Variants in PTPRG observed in about 807,000 individuals in gnomAD.
The protein encoded by PTPRG is receptor-type tyrosine-protein phosphatase gamma.
A neutral mutation model predicts 165.3 loss-of-function variants in PTPRG; 102 were observed. The observed-to-expected ratio is 0.62, with a 90% CI of 0.53 to 0.73. The LOEUF is 0.73. Ranked by LOEUF, PTPRG falls within the 30% of genes least tolerant of loss-of-function variation. PTPRG has a pLI of 0.00. For synonymous variants in PTPRG, 675 were observed against 669.5 expected (o/e 1.01, Z -0.13); for missense variants, 1,866 against 1,861.4 (o/e 1.00, Z -0.05).
chr3:61,723,082 C>A (rs969314770), intron 1 of PTPRG, among the ~76,000 whole-genome samples: 2 of 152,048 alleles, frequency 1.3e-5, no homozygotes, highest in Non-Finnish European at 2.9e-5. Context: ...TAGGACTATT[C>A]TGATTTCCTG....
In PTPRG at chr3:62,217,246, G is replaced by A. The variant is rs1700534750; in HGVS notation, c.2156-1605G>A. Reference sequence around the variant, plus strand: ...TTTATAAATGGCAAAGTGCTCTGTGGAGGTTTTTAATCAGAGTGTGCTGCA... The same window carrying A: ...TTTATAAATGGCAAAGTGCTCTGTGAAGGTTTTTAATCAGAGTGTGCTGCA... On this transcript the variant is annotated intron_variant, in intron 12 of 29. Transcript: ENST00000474889. The surrounding 1 kb of genome is among the most constrained non-coding windows in gnomAD (Gnocchi z 4.3). Among the ~76,000 whole-genome samples, 1 of 152,200 alleles carries A rather than the reference G, an allele frequency of 6.6e-6. No individual in the cohort carries two copies. Among genetic ancestry groups the A allele is most frequent in the Non-Finnish European group, 1.5e-5 (1 of 68,044 alleles).
intron 2 of PTPRG, 121 bp downstream of exon 2, chr3:61,749,103 T>C: frequency 1.2e-6 from 1 of 844,464 alleles, no homozygotes; most frequent in Non-Finnish European, 2.0e-6. Context: ...CTTTCGTAGT[T>C]CACTAAAAGT....
chr3:61,733,501 A>T (rs1456695169), intron 1 of PTPRG, among the ~76,000 whole-genome samples: 3 of 152,194 alleles, frequency 2.0e-5, no homozygotes, highest in Non-Finnish European at 2.9e-5. Context: ...AACATGAGAT[A>T]TTTCAGTTGA....
At chr3:62,264,921 G>C (rs910330080) in intron 17 of PTPRG, among the ~76,000 whole-genome samples, 2 of 150,624 alleles carry the variant, frequency 1.3e-5, no homozygotes, top group African/African-American at 2.4e-5. Flanking sequence ...AATATATAAA[G>C]GGTCCAGTGT....
intron 1 of PTPRG, among the ~76,000 whole-genome samples, chr3:61,599,437 T>G (rs1700787565): frequency 6.6e-6 from 1 of 152,142 alleles, no homozygotes; most frequent in Non-Finnish European, 1.5e-5. Flanking sequence ...CATGACCCAT[T>G]GTGCTTGGCC....
intron 2 of PTPRG, among the ~76,000 whole-genome samples, chr3:61,946,287 G>A (rs1243835561): frequency 6.6e-6 from 1 of 152,106 alleles, no homozygotes. Context: ...TCTACAATTG[G>A]CAGGAGCTGA....
chr3:62,288,721 AGT>A (rs199554422), intron 28 of PTPRG, among the ~76,000 whole-genome samples: 1,741 of 152,008 alleles, frequency 0.011, 13 homozygotes, highest in Non-Finnish European at 0.016. Context: ...TAGGTGTGAT[AGT>A]GTGTTTTCTT....
chr3:61,708,125 G>A (rs572654102), intron 1 of PTPRG, among the ~76,000 whole-genome samples: 25 of 150,906 alleles, frequency 1.7e-4, no homozygotes, highest in African/African-American at 5.8e-4. Context: ...TTGCCTCCCC[G>A]GAACGCTGTG....
intron 2 of PTPRG, among the ~76,000 whole-genome samples, chr3:61,932,956 G>A (rs745694428): frequency 2.0e-5 from 3 of 152,136 alleles, no homozygotes; most frequent in Non-Finnish European, 4.4e-5. Flanking sequence ...CCCCCCACTT[G>A]CTACTTCACT....
intron 5 of PTPRG, among the ~76,000 whole-genome samples, chr3:62,110,254 T>C (rs1051955754): frequency 9.9e-5 from 15 of 152,108 alleles, no homozygotes; most frequent in African/African-American, 3.4e-4. Flanking sequence ...GACAGGACCC[T>C]AACTGAAAGA....
At chr3:61,738,557 T>G (rs558269849) in intron 1 of PTPRG, among the ~76,000 whole-genome samples, 7 of 151,378 alleles carry the variant, frequency 4.6e-5, no homozygotes, top group Admixed American at 3.3e-4. Context: ...TCTGCTTTTT[T>G]TTTTTTGAGA....
At chr3:62,277,122 G>T in intron 25 of PTPRG, 74 bp downstream of exon 25, 1 of 1,098,352 alleles carries the variant, frequency 9.1e-7, no homozygotes. Flanking sequence ...CCACCTGTGT[G>T]ACTGATGTCA....
At chr3:61,685,253 G>T (rs1703585813) in intron 1 of PTPRG, among the ~76,000 whole-genome samples, 2 of 152,228 alleles carry the variant, frequency 1.3e-5, no homozygotes, top group South Asian at 4.1e-4. Context: ...GTGCAAACAG[G>T]CGCACTGATG....
At chr3:62,093,626 A>G (rs901625219) in intron 5 of PTPRG, among the ~76,000 whole-genome samples, 1 of 152,210 alleles carries the variant, frequency 6.6e-6, no homozygotes, top group Non-Finnish European at 1.5e-5. Context: ...GGAGATGAGC[A>G]TGTGGAACAA....
At position 62,203,962 on chromosome 3, in the gene PTPRG, A is replaced by C; in HGVS notation, c.2155+12A>C. On this transcript the variant is annotated intron_variant, in intron 12 of 29. Coordinates refer to ENST00000474889, the MANE Select transcript of PTPRG (RefSeq NM_002841.4). The surrounding 1 kb of genome is among the most constrained non-coding windows in gnomAD (Gnocchi z 6.4). ...CACTGTTAATCCAGGTAAGTGGTGC[A>C]GGTCTTCTTCGAGGGTTCCTGCTCC... The C allele has an allele frequency of 6.5e-7, 1 of 1,537,964 alleles. No individual in the cohort carries two copies. The highest frequency in any genetic ancestry group is 1.3e-5 in the South Asian group (1 of 79,940).
intron 8 of PTPRG, among the ~76,000 whole-genome samples, chr3:62,181,730 T>C (rs1426245234): frequency 6.6e-6 from 1 of 152,234 alleles, no homozygotes; most frequent in African/African-American, 2.4e-5. Flanking sequence ...AAGCCAGTTA[T>C]CCTCAGATAT....
At chr3:61,983,819 T>A (rs972399032) in intron 2 of PTPRG, among the ~76,000 whole-genome samples, 1 of 152,198 alleles carries the variant, frequency 6.6e-6, no homozygotes, top group African/African-American at 2.4e-5. Flanking sequence ...CAGTTTTATT[T>A]GTCCTTATTT....
intron 1 of PTPRG, among the ~76,000 whole-genome samples, chr3:61,729,709 ATTGT>A (rs1034830820): frequency 1.1e-4 from 16 of 152,180 alleles, no homozygotes; most frequent in African/African-American, 3.9e-4. Flanking sequence ...GAGCCTAGTG[ATTGT>A]TAGAACAAAG....
In PTPRG at chr3:61,612,288, G is replaced by C. The variant is rs558594594; in HGVS notation, c.85+49916G>C. Reference sequence around the variant, plus strand: ...AAGCCCTGTTGCAATCTGTGCAGTTGAGAAGGCTCTCATTTAAAGAGGTTC... The same window carrying C: ...AAGCCCTGTTGCAATCTGTGCAGTTCAGAAGGCTCTCATTTAAAGAGGTTC... On this transcript the variant is annotated intron_variant, in intron 1 of 29. Transcript: ENST00000474889. 3.3e-4 allele frequency among the ~76,000 whole-genome samples: 50 copies of C among 152,312 alleles called. No individual in the cohort carries two copies. In the South Asian group the frequency reaches 0.01, roughly 32 times the overall value.
Sources: allele counts gnomAD v4.1 joint callset (sites outside exome capture counted in the v4.1 genomes callset), GRCh38; gene constraint gnomAD v4.1.1; non-coding constraint Gnocchi (gnomAD v3.1); transcripts MANE v1.5; gene names NCBI Gene and HGNC (gene_info 2026-07-23, HGNC 2026-07-21).